The following CACNA2D3 variants were observed in gnomAD, a reference collection of about 807,000 sequenced individuals.
CACNA2D3 encodes calcium voltage-gated channel auxiliary subunit alpha2delta 3, also known as voltage-dependent calcium channel subunit alpha-2/delta-3.
Under a neutral mutation model 160.6 loss-of-function variants are expected in CACNA2D3, and 60 were observed. The ratio of observed to expected loss-of-function variants is 0.37; its 90% CI spans 0.30 to 0.46. The LOEUF (loss-of-function observed/expected upper bound fraction) is 0.46. CACNA2D3 is among the 20% of genes least tolerant of loss of function. The pLI is 1.00. For synonymous variants in CACNA2D3, 558 were observed against 492.9 expected (o/e 1.13, Z -1.75); for missense variants, 1,205 against 1,365.0 (o/e 0.88, Z 1.85).
chr3:54,709,449 C>A (rs1039177451), intron 11 of CACNA2D3, among the ~76,000 whole-genome samples: 5 of 151,912 alleles, frequency 3.3e-5, no homozygotes, highest in Admixed American at 3.3e-4. Context: ...AAAGCCTTAG[C>A]CTCCTGGGTT....
intron 3 of CACNA2D3, among the ~76,000 whole-genome samples, chr3:54,362,665 C>A (rs1698762728): frequency 6.6e-6 from 1 of 152,202 alleles, no homozygotes; most frequent in Admixed American, 6.5e-5. Flanking sequence ...CCAGTGCCGA[C>A]AAAGCAGGGA....
chr3:54,966,232 G>A (rs1702146683), intron 27 of CACNA2D3, among the ~76,000 whole-genome samples: 1 of 152,100 alleles, frequency 6.6e-6, no homozygotes, highest in Non-Finnish European at 1.5e-5. Context: ...GAAGCACCAT[G>A]GAAAGGCTAC....
At chr3:54,236,717 G>A (rs946738525) in intron 2 of CACNA2D3, among the ~76,000 whole-genome samples, 23 of 152,134 alleles carry the variant, frequency 1.5e-4, no homozygotes, top group African/African-American at 5.6e-4. Context: ...ATTGTTCCAA[G>A]GGGGCCAAAC....
At chr3:54,821,637 T>TTTCGTTCG (rs1426988305) in intron 14 of CACNA2D3, among the ~76,000 whole-genome samples, 7 of 147,874 alleles carry the variant, frequency 4.7e-5, no homozygotes, top group African/African-American at 1.8e-4. Context: ...TTCTAGAGTC[T>TTTCGTTCG]TTCGTTCTTT....
chr3:54,291,350 A>G (rs748642991), intron 2 of CACNA2D3, among the ~76,000 whole-genome samples: 8 of 152,242 alleles, frequency 5.3e-5, no homozygotes, highest in African/African-American at 1.4e-4. Context: ...GCATGTCCAT[A>G]TGTAAATATT....
chr3:54,781,076 T>A (rs1702526657), intron 13 of CACNA2D3, among the ~76,000 whole-genome samples: 1 of 151,926 alleles, frequency 6.6e-6, no homozygotes, highest in Non-Finnish European at 1.5e-5. Context: ...TATTTAAGGG[T>A]TAAAATAATC....
intron 35 of CACNA2D3, among the ~76,000 whole-genome samples, chr3:55,069,800 C>A (rs1399464509): frequency 1.3e-5 from 2 of 152,156 alleles, no homozygotes; most frequent in African/African-American, 4.8e-5. Flanking sequence ...TATGCTTTAT[C>A]CCCAAAGGCG....
intron 11 of CACNA2D3, among the ~76,000 whole-genome samples, chr3:54,684,964 G>A (rs1482228709): frequency 6.7e-6 from 1 of 149,914 alleles, no homozygotes; most frequent in African/African-American, 2.5e-5. Context: ...GTGGAAACAT[G>A]TGTTTACCTT....
intron 2 of CACNA2D3, among the ~76,000 whole-genome samples, chr3:54,280,413 C>T (rs1347557306): frequency 2.0e-5 from 3 of 152,112 alleles, no homozygotes; most frequent in East Asian, 1.9e-4. Flanking sequence ...TTATTAAGCA[C>T]CTATGAGTCT....
chr3:54,302,822 C>T (rs1224465270), intron 2 of CACNA2D3, among the ~76,000 whole-genome samples: 1 of 151,922 alleles, frequency 6.6e-6, no homozygotes, highest in Non-Finnish European at 1.5e-5. Flanking sequence ...CTGCTTGGGG[C>T]TTTGGTCCCG....
At chr3:54,400,307 G>A (rs553116539) in intron 4 of CACNA2D3, among the ~76,000 whole-genome samples, 153 of 151,830 alleles carry the variant, frequency 1.0e-3, no homozygotes, top group Non-Finnish European at 1.8e-3. Flanking sequence ...TTCCTATTCG[G>A]CCATCTTGGC....
intron 35 of CACNA2D3, among the ~76,000 whole-genome samples, chr3:55,022,657 C>T (rs1376874232): frequency 1.5e-5 from 2 of 134,020 alleles, no homozygotes; most frequent in African/African-American, 5.4e-5. Flanking sequence ...CTTCCTCTCT[C>T]TCCTTTTCTT....
chr3:54,146,937 A>G (rs1700041843), intron 2 of CACNA2D3, among the ~76,000 whole-genome samples: 1 of 152,246 alleles, frequency 6.6e-6, no homozygotes, highest in Non-Finnish European at 1.5e-5. Flanking sequence ...TGTCCGGGCC[A>G]AGGCTGCGGC....
chr3:54,903,595 A>G (rs1700388463), intron 27 of CACNA2D3, among the ~76,000 whole-genome samples: 1 of 152,202 alleles, frequency 6.6e-6, no homozygotes, highest in Non-Finnish European at 1.5e-5. Context: ...GCTGAGTAGG[A>G]TGGTAGTTCT....
intron 2 of CACNA2D3, among the ~76,000 whole-genome samples, chr3:54,193,772 A>C (rs1224269568): frequency 2.6e-5 from 4 of 152,198 alleles, no homozygotes; most frequent in African/African-American, 7.2e-5. Context: ...GTTGTTGTTG[A>C]GAGTGTCAGC....
At chr3:54,803,769 G>A (rs1305923473) in intron 13 of CACNA2D3, among the ~76,000 whole-genome samples, 1 of 152,084 alleles carries the variant, frequency 6.6e-6, no homozygotes, top group African/African-American at 2.4e-5. Context: ...TCACCAAAGT[G>A]GAAATGAAGG....
chr3:54,998,387 G>A lies in CACNA2D3; in HGVS notation c.2691-6376G>A, dbSNP rs574934978. 4.6e-5 allele frequency among the ~76,000 whole-genome samples: 7 copies of A among 152,226 alleles called. No individual in the cohort carries two copies. The South Asian group carries it at 6.2e-4, about 14-fold the overall frequency. ...GACCTCAAGTGATCGGCCCACCTTG[G>A]CTTCTCAAAGTTGTGGGATTACAGG... is the stretch of plus-strand genomic sequence containing the variant. On this transcript the variant is annotated intron_variant, in intron 31 of 37. Coordinates refer to ENST00000474759, the MANE Select transcript of CACNA2D3 (RefSeq NM_018398.3).
chr3:54,740,452 G>T (rs1235561814), intron 11 of CACNA2D3, among the ~76,000 whole-genome samples: 1 of 152,060 alleles, frequency 6.6e-6, no homozygotes, highest in Admixed American at 6.6e-5. Context: ...AGCCAGGGGC[G>T]CATGCTTCCA....
intron 9 of CACNA2D3, among the ~76,000 whole-genome samples, chr3:54,584,545 C>CA (rs1465895233): frequency 2.6e-5 from 4 of 151,380 alleles, no homozygotes; most frequent in Non-Finnish European, 5.9e-5. Flanking sequence ...GGGACAATAA[C>CA]AAAAAAATAT....
Sources: gnomAD v4.1 joint callset for allele counts (sites outside exome capture counted in the v4.1 genomes callset) on GRCh38, gnomAD v4.1.1 for gene constraint, MANE v1.5 for transcripts, NCBI Gene and HGNC (gene_info 2026-07-23, HGNC 2026-07-21) for gene names.